The following ANKRD30A variants were observed in gnomAD, a reference collection of about 807,000 sequenced individuals.
The protein encoded by ANKRD30A is ankyrin repeat domain 30A, also known as ankyrin repeat domain-containing protein 30A.
In ANKRD30A, 170 loss-of-function variants were observed where a neutral mutation model predicts 166.3. The observed-to-expected ratio is 1.02, with a 90% CI of 0.90 to 1.16. ANKRD30A has a LOEUF of 1.16. Ranked by LOEUF, ANKRD30A falls within the 50% of genes most tolerant of loss-of-function variation. The pLI is 0.00. For synonymous variants in ANKRD30A, 564 were observed against 508.9 expected, an observed-to-expected ratio of 1.11 and a Z score of -1.46; for missense variants, 1,630 against 1,518.0, an observed-to-expected ratio of 1.07 and a Z score of -1.23.
At chr10:37,134,312 T>C (rs1010385238) in intron 5 of ANKRD30A, among the ~76,000 whole-genome samples, 1 of 152,214 alleles carries the variant, frequency 6.6e-6, no homozygotes, top group Non-Finnish European at 1.5e-5. Flanking sequence ...GATAGTGTCC[T>C]CTGGGGGCTG....
the ANKRD30A span, among the ~76,000 whole-genome samples, chr10:37,258,927 C>T: frequency 2.2e-5 from 3 of 138,184 alleles, no homozygotes; most frequent in Admixed American, 1.6e-4. Context: ...TGTGCTACTG[C>T]ACCCTAGCCT....
At chr10:37,243,627 T>C in the ANKRD30A span, among the ~76,000 whole-genome samples, 2 of 152,092 alleles carry the variant, frequency 1.3e-5, no homozygotes, top group Non-Finnish European at 2.9e-5. Context: ...GAACTGAGCT[T>C]AAGTGAAAGA....
At chr10:37,162,946 T>G in intron 17 of ANKRD30A, 98 bp downstream of exon 17, 1 of 1,433,620 alleles carries the variant, frequency 7.0e-7, no homozygotes, top group Non-Finnish European at 9.5e-7. Context: ...TCAACTTTGA[T>G]GAAAAGATTT....
At chr10:37,197,010 T>C (rs551149937) in intron 27 of ANKRD30A, among the ~76,000 whole-genome samples, 21 of 152,318 alleles carry the variant, frequency 1.4e-4, no homozygotes, top group Non-Finnish European at 2.8e-4. Flanking sequence ...CTTTGACATT[T>C]ATTTTCTCAT....
At chr10:37,202,114 A>C (rs966916788) in intron 31 of ANKRD30A, among the ~76,000 whole-genome samples, 1 of 152,104 alleles carries the variant, frequency 6.6e-6, no homozygotes, top group African/African-American at 2.4e-5. Flanking sequence ...AAGAATAGCA[A>C]TTGAATAGAA....
chr10:37,141,269 A>G (rs944004534), intron 6 of ANKRD30A, among the ~76,000 whole-genome samples: 3 of 152,162 alleles, frequency 2.0e-5, no homozygotes, highest in African/African-American at 7.2e-5. Flanking sequence ...GAAGAATTAA[A>G]GCTTTAAAAA....
At chr10:37,211,476 T>C (rs185990641) in intron 31 of ANKRD30A, among the ~76,000 whole-genome samples, 8,408 of 152,208 alleles carry the variant, frequency 0.055, 326 homozygotes, top group Non-Finnish European at 0.077. Flanking sequence ...TCATTTTTTA[T>C]GGCTGCATAG....
intron 27 of ANKRD30A, among the ~76,000 whole-genome samples, chr10:37,194,860 C>G (rs1378921402): frequency 1.3e-5 from 2 of 152,066 alleles, no homozygotes; most frequent in East Asian, 1.9e-4. Context: ...TATCACAGAG[C>G]TTTTACTGAA....
chr10:37,153,715 G>T (rs1269903603), intron 13 of ANKRD30A, 53 bp downstream of exon 13: 2 of 1,601,176 alleles, frequency 1.2e-6, no homozygotes, highest in African/African-American at 2.7e-5. Context: ...TCTCTAAACT[G>T]ATGAGGAGGG....
At chr10:37,156,014 G>C (rs1330029069) in intron 13 of ANKRD30A, among the ~76,000 whole-genome samples, 15 of 151,550 alleles carry the variant, frequency 9.9e-5, no homozygotes, top group African/African-American at 3.6e-4. Context: ...TTGGGAGGCG[G>C]AGCTTGTAGC....
intron 3 of ANKRD30A, among the ~76,000 whole-genome samples, chr10:37,131,132 A>ATATT (rs1836356540): frequency 1.3e-5 from 2 of 149,350 alleles, no homozygotes; most frequent in African/African-American, 4.9e-5. Context: ...AATCATGGTT[A>ATATT]TATTTGAAAG....
At chr10:37,191,202 T>C (rs1840542055) in intron 25 of ANKRD30A, among the ~76,000 whole-genome samples, 1 of 151,898 alleles carries the variant, frequency 6.6e-6, no homozygotes, top group South Asian at 2.1e-4. Context: ...ATGAGTGGAT[T>C]AAGAGATATT....
chr10:37,148,929 T>G (rs1485780441), intron 9 of ANKRD30A, among the ~76,000 whole-genome samples: 2 of 152,050 alleles, frequency 1.3e-5, no homozygotes, highest in Non-Finnish European at 2.9e-5. Flanking sequence ...CTTTTTAAAA[T>G]AAATATTGTG....
chr10:37,211,895 C>T (rs1419270045), intron 31 of ANKRD30A, among the ~76,000 whole-genome samples: 3 of 152,000 alleles, frequency 2.0e-5, no homozygotes, highest in Non-Finnish European at 4.4e-5. Flanking sequence ...TGATGATGAG[C>T]ATTTTTTCAT....
At chr10:37,143,915 C>CTTT (rs34646779) in intron 7 of ANKRD30A, among the ~76,000 whole-genome samples, 5 of 132,152 alleles carry the variant, frequency 3.8e-5, no homozygotes, top group Non-Finnish European at 8.2e-5. Context: ...ATGCTATAGT[C>CTTT]TTTTTTTTTT....
At chr10:37,221,170 T>C (rs1215043534) in intron 34 of ANKRD30A, among the ~76,000 whole-genome samples, 1 of 150,760 alleles carries the variant, frequency 6.6e-6, no homozygotes, top group Non-Finnish European at 1.5e-5. Flanking sequence ...GAAGATAACA[T>C]CTTCTTGTCT....
intron 34 of ANKRD30A, among the ~76,000 whole-genome samples, chr10:37,220,987 C>T (rs1842871236): frequency 6.7e-6 from 1 of 150,364 alleles, no homozygotes; most frequent in Non-Finnish European, 1.5e-5. Context: ...GCTTCTAATA[C>T]AGAAGAAGGA....
intron 31 of ANKRD30A, among the ~76,000 whole-genome samples, chr10:37,208,950 C>T (rs1269154605): frequency 6.6e-6 from 1 of 152,120 alleles, no homozygotes; most frequent in Admixed American, 6.6e-5. Context: ...ATTTTGTTTT[C>T]TGGATAATGT....
chr10:37,132,683 G>GTT (rs1201364620), intron 4 of ANKRD30A, among the ~76,000 whole-genome samples: 1 of 152,046 alleles, frequency 6.6e-6, no homozygotes, highest in Admixed American at 6.6e-5. Flanking sequence ...TCTAACCTCT[G>GTT]TTTTTTATAC....
Sources: gnomAD v4.1 joint callset for allele counts (sites outside exome capture counted in the v4.1 genomes callset) on GRCh38, gnomAD v4.1.1 for gene constraint, MANE v1.5 for transcripts, NCBI Gene and HGNC (gene_info 2026-07-23, HGNC 2026-07-21) for gene names.